PTPRM: variants seen among roughly 807,000 people sequenced by gnomAD.
PTPRM encodes the protein protein tyrosine phosphatase receptor type M, also known as receptor-type tyrosine-protein phosphatase mu.
Under a neutral mutation model 186.7 loss-of-function variants are expected in PTPRM, and 47 were observed. The ratio of observed to expected loss-of-function variants is 0.25; its 90% CI spans 0.20 to 0.32. PTPRM has a LOEUF of 0.32. Among genes scored for constraint, PTPRM ranks in the 10% least tolerant of loss-of-function variants. PTPRM has a pLI of 1.00. For missense variants in PTPRM, 1,494 were observed against 1,865.0 expected, an observed-to-expected ratio of 0.80 and a Z score of 3.66; for synonymous variants, 668 against 674.9, an observed-to-expected ratio of 0.99 and a Z score of 0.16.
intron 14 of PTPRM, 94 bp downstream of exon 14, chr18:8,143,873 T>C: frequency 6.8e-7 from 1 of 1,471,252 alleles, no homozygotes; most frequent in Non-Finnish European, 9.4e-7. Context: ...TGAACTGGCT[T>C]TGATAACCCA....
chr18:7,984,572 C>CATATATAT (rs71354583), intron 7 of PTPRM, among the ~76,000 whole-genome samples: 1,815 of 88,354 alleles, frequency 0.021, 55 homozygotes, highest in Non-Finnish European at 0.029. Context: ...ATATATGCCC[C>CATATATAT]ATATATATAT....
chr18:7,762,647 C>G (rs1414109925), intron 1 of PTPRM, among the ~76,000 whole-genome samples: 1 of 152,012 alleles, frequency 6.6e-6, no homozygotes, highest in Admixed American at 6.6e-5. Context: ...GTGGGATATA[C>G]TGGAGAGAGC....
intron 7 of PTPRM, among the ~76,000 whole-genome samples, chr18:8,040,660 G>T (rs1461013980): frequency 6.6e-6 from 1 of 152,110 alleles, no homozygotes; most frequent in African/African-American, 2.4e-5. Context: ...GTGCCTTGTT[G>T]TCAGATATTT....
At chr18:7,702,425 A>G (rs2039986590) in intron 1 of PTPRM, among the ~76,000 whole-genome samples, 2 of 152,018 alleles carry the variant, frequency 1.3e-5, no homozygotes, top group South Asian at 4.2e-4. Context: ...TTTGATTTGC[A>G]TTTCTCTAAT....
At position 7,568,000 on chromosome 18, in the gene PTPRM, GC is replaced by G; in HGVS notation, c.73+110del. The G allele has an allele frequency of 9.3e-7, 1 of 1,072,616 alleles. No individual in the cohort carries two copies. The highest frequency in any genetic ancestry group is 1.2e-6 in the Non-Finnish European group (1 of 822,570). 66.4% of individuals were successfully genotyped at this position (1,072,616 alleles called of 1,614,324 possible). On this transcript the variant is annotated intron_variant, in intron 1 of 32. Coordinates refer to ENST00000580170, the MANE Select transcript of PTPRM (RefSeq NM_001105244.2). This position sits in a 1 kb window ranked among gnomAD's most constrained non-coding sequence, Gnocchi z 4.3. ...GCCCTAAGGCTGGCGTCGGGGCCGGGCGGGGGGCGCGGCGGGCCGGACACCG... is the reference window on the plus strand; with the variant it reads ...GCCCTAAGGCTGGCGTCGGGGCCGGGGGGGGGCGCGGCGGGCCGGACACCG...
intron 7 of PTPRM, among the ~76,000 whole-genome samples, chr18:8,047,001 G>A (rs756413464): frequency 2.6e-5 from 4 of 151,978 alleles, no homozygotes; most frequent in Admixed American, 6.6e-5. Context: ...ACCAAATAAA[G>A]GTTTTTTCTT....
intron 7 of PTPRM, among the ~76,000 whole-genome samples, chr18:8,065,996 G>A (rs1287055062): frequency 2.0e-5 from 3 of 152,126 alleles, no homozygotes. Context: ...ATGTCCCTGT[G>A]GAATGCCTCA....
chr18:8,149,715 G>A (rs540457249), intron 14 of PTPRM, among the ~76,000 whole-genome samples: 8 of 152,212 alleles, frequency 5.3e-5, no homozygotes, highest in South Asian at 4.1e-4. Flanking sequence ...TATTTTGCCC[G>A]TTAGTTCATA....
intron 7 of PTPRM, among the ~76,000 whole-genome samples, chr18:8,006,688 T>C (rs2084206941): frequency 6.6e-6 from 1 of 152,212 alleles, no homozygotes; most frequent in Non-Finnish European, 1.5e-5. Flanking sequence ...ACTGCTGTGG[T>C]GTGCTGGGTC....
At chr18:7,840,090 G>A (rs1282403585) in intron 2 of PTPRM, among the ~76,000 whole-genome samples, 6 of 141,490 alleles carry the variant, frequency 4.2e-5, no homozygotes, top group Non-Finnish European at 7.8e-5. Context: ...GTGGAGGTGG[G>A]GGGGGAGGGC....
chr18:7,919,488 A>C (rs2050743446), intron 4 of PTPRM, among the ~76,000 whole-genome samples: 1 of 152,116 alleles, frequency 6.6e-6, no homozygotes, highest in African/African-American at 2.4e-5. Flanking sequence ...GTTCACTAGC[A>C]TGTTTTTAAA....
intron 22 of PTPRM, among the ~76,000 whole-genome samples, chr18:8,332,290 A>G (rs2095416080): frequency 6.6e-6 from 1 of 152,238 alleles, no homozygotes; most frequent in Non-Finnish European, 1.5e-5. Flanking sequence ...TGTATAGCAT[A>G]TTATAGACAG....
At chr18:8,026,677 T>C (rs28367342) in intron 7 of PTPRM, among the ~76,000 whole-genome samples, 3,096 of 152,192 alleles carry the variant, frequency 0.02, 95 homozygotes, top group African/African-American at 0.07. Flanking sequence ...GCCAACATGG[T>C]GAAACCCCAT....
chr18:8,114,877 T>A (rs749718798), intron 13 of PTPRM, 50 bp downstream of exon 13: 4 of 1,501,696 alleles, frequency 2.7e-6, no homozygotes, highest in Admixed American at 1.9e-5. Flanking sequence ...CTTAAAAGTT[T>A]ATTTTAACCT....
chr18:7,695,337 G>A lies in PTPRM; in HGVS notation c.74-78812G>A, dbSNP rs189311020. 3.9e-5 allele frequency among the ~76,000 whole-genome samples: 6 copies of A among 152,306 alleles called. No individual in the cohort carries two copies. The East Asian group carries it at 1.2e-3, about 29-fold the overall frequency. ...GTTTTGTCTACATGAACACAATGCA[G>A]CGTATGGTTTGGGTTTCTTCGAGTC... On this transcript the variant is annotated intron_variant, in intron 1 of 32. Transcript: ENST00000580170.
At chr18:8,165,388 C>T (rs1157744306) in intron 14 of PTPRM, among the ~76,000 whole-genome samples, 2 of 151,976 alleles carry the variant, frequency 1.3e-5, no homozygotes, top group African/African-American at 2.4e-5. Context: ...CAGCCGATAG[C>T]AAGAGAATAT....
chr18:7,911,030 A>G (rs1248529777), intron 4 of PTPRM, among the ~76,000 whole-genome samples: 4 of 152,184 alleles, frequency 2.6e-5, no homozygotes, highest in Admixed American at 6.5e-5. Flanking sequence ...CAGTTGCGCT[A>G]TATGTGGCCC....
intron 7 of PTPRM, among the ~76,000 whole-genome samples, chr18:8,024,004 T>C (rs995320057): frequency 6.6e-6 from 1 of 152,172 alleles, no homozygotes; most frequent in Non-Finnish European, 1.5e-5. Flanking sequence ...AATTATTATG[T>C]ACTTATTTTT....
At chr18:7,980,831 C>A (rs2082508187) in intron 7 of PTPRM, among the ~76,000 whole-genome samples, 1 of 152,170 alleles carries the variant, frequency 6.6e-6, no homozygotes, top group African/African-American at 2.4e-5. Flanking sequence ...GCCAGGCATG[C>A]TACATGCTGA....
Sources: gnomAD v4.1 joint callset for allele counts (sites outside exome capture counted in the v4.1 genomes callset) on GRCh38, gnomAD v4.1.1 for gene constraint, Gnocchi (gnomAD v3.1) non-coding constraint, MANE v1.5 for transcripts, NCBI Gene and HGNC (gene_info 2026-07-23, HGNC 2026-07-21) for gene names.